Variants in ADAM2 observed in about 807,000 individuals in gnomAD.
The protein encoded by ADAM2 is disintegrin and metalloproteinase domain-containing protein 2.
ADAM2 carries 101 observed loss-of-function variants against 99.3 expected under a neutral mutation model. The observed-to-expected ratio is 1.02, with a 90% CI of 0.87 to 1.20. The LOEUF is 1.20. Among genes scored for constraint, ADAM2 ranks in the 50% most tolerant of loss-of-function variants. The pLI is 0.00. For missense variants in ADAM2, 948 were observed against 878.7 expected (o/e 1.08, Z -1.00); for synonymous variants, 323 against 287.6 (o/e 1.12, Z -1.25).
intron 15 of ADAM2, among the ~76,000 whole-genome samples, chr8:39,756,598 C>T (rs1802160819): frequency 1.3e-5 from 2 of 152,144 alleles, no homozygotes; most frequent in South Asian, 4.1e-4. Flanking sequence ...CATATGTTAT[C>T]TAAATAGCCT....
At position 39,786,955 on chromosome 8, in the gene ADAM2, A is replaced by G. The variant is rs1385955110; in HGVS notation, c.891+19T>C. The G allele has an allele frequency of 3.2e-6, 5 of 1,539,908 alleles. No individual in the cohort carries two copies. The African/African-American group carries it at 4.2e-5, about 13-fold the overall frequency. ...TACTAATTTATGTAGCATACTTTCT[A>G]TACATAACCATACCATACCAGAACA... On this transcript the variant is annotated intron_variant, in intron 10 of 20. Transcript: ENST00000265708.
In ADAM2 at chr8:39,834,065, T is replaced by A. The variant is rs1326098821; in HGVS notation, c.133-66A>T. The A allele has an allele frequency of 8.4e-6, 7 of 833,984 alleles. No homozygotes were observed. In the Admixed American group the frequency reaches 1.1e-4, roughly 13 times the overall value. 51.7% of individuals were successfully genotyped at this position (833,984 alleles called of 1,614,324 possible). ...AAAATGTTAGAAGGGATAACCATCA[T>A]TTTACATTAATGATAATTGCATTCT... On this transcript the variant is annotated intron_variant, in intron 2 of 20. Transcript: ENST00000265708.
Position 39,821,058 on chromosome 8 carries a change from A to T in ADAM2, c.457T>A (p.Tyr153Asn), listed in dbSNP as rs766623767. Residue 153 changes from tyrosine to asparagine, a missense_variant, in exon 6 of 21, where the codon TAT becomes AAT. Physicochemically the swap from Tyr to Asn is moderately radical, Grantham distance 143. Coordinates refer to ENST00000265708, the MANE Select transcript of ADAM2 (RefSeq NM_001464.5). ...CTTGATTCAATATCCTTCTCATTAT[A>T]TAAGGAAACATCTGCTTTCTTATGT... ...VKHKKADVSL[Y>N]NEKDIESRDL... 2.1e-5 allele frequency: 33 copies of T among 1,607,632 alleles called. No individual in the cohort carries two copies. The highest frequency in any genetic ancestry group is 2.8e-5 in the Non-Finnish European group (33 of 1,174,772).
At chr8:39,787,792 AATAG>A (rs1436943317) in intron 9 of ADAM2, among the ~76,000 whole-genome samples, 1 of 151,704 alleles carries the variant, frequency 6.6e-6, no homozygotes, top group Non-Finnish European at 1.5e-5. Flanking sequence ...TGTTTCTCCA[AATAG>A]ATATTGTGAA....
chr8:39,751,119 G>A (rs1012774787), intron 16 of ADAM2, among the ~76,000 whole-genome samples: 4 of 152,116 alleles, frequency 2.6e-5, no homozygotes, highest in Non-Finnish European at 5.9e-5. Flanking sequence ...TTACGGCAAT[G>A]CATACCTCCA....
In ADAM2 at chr8:39,826,444, C is replaced by T. The variant is rs548186194; in HGVS notation, c.189-1547G>A. The stretch of plus-strand genomic sequence containing the variant: ...CACCATATTAAAAAAGCACTCAAGG[C>T]CAGGAGCAGTGGCTCACGCCTGTAA... On this transcript the variant is annotated intron_variant, in intron 3 of 20. Coordinates refer to ENST00000265708, the MANE Select transcript of ADAM2 (RefSeq NM_001464.5). 1.4e-3 allele frequency among the ~76,000 whole-genome samples: 212 copies of T among 152,210 alleles called. 1 individual carries two copies. Among genetic ancestry groups the T allele is most frequent in the African/African-American group, 4.8e-3 (198 of 41,542 alleles).
chr8:39,771,451 A>C (rs909875211), intron 11 of ADAM2, among the ~76,000 whole-genome samples: 9 of 152,124 alleles, frequency 5.9e-5, no homozygotes, highest in Admixed American at 1.3e-4. Flanking sequence ...ATAAATAATA[A>C]AGTTTAATTT....
chr8:39,769,501 G>A lies in ADAM2; in HGVS notation c.1103C>T (p.Ser368Phe), dbSNP rs767078988. Residue 368 changes from serine to phenylalanine, a missense_variant, in exon 12 of 21, where the codon TCC becomes TTC. By Grantham distance (155) the Ser-to-Phe change is radical. Coordinates refer to ENST00000265708, the MANE Select transcript of ADAM2 (RefSeq NM_001464.5). ...GCGAGGCTGATTGTGAAGACACTGG[G>A]ACTTCTGCTTTGAAATAAAATGTGC... ...DFAHFISKQK[S>F]QCLHNQPRLD... 1.9e-6 allele frequency: 3 copies of A among 1,613,634 alleles called. No homozygotes were observed. The highest frequency in any genetic ancestry group is 1.7e-6 in the Non-Finnish European group (2 of 1,179,602).
chr8:39,770,989 T>G (rs538583285), intron 11 of ADAM2, among the ~76,000 whole-genome samples: 1 of 152,364 alleles, frequency 6.6e-6, no homozygotes, highest in East Asian at 1.9e-4. Context: ...CAATCAATTA[T>G]GTTTCCTAAA....
chr8:39,820,314 G>C (rs981272383), intron 6 of ADAM2, among the ~76,000 whole-genome samples: 1 of 152,112 alleles, frequency 6.6e-6, no homozygotes, highest in African/African-American at 2.4e-5. Flanking sequence ...TAGCCACAGA[G>C]CTGAGATTAC....
intron 7 of ADAM2, among the ~76,000 whole-genome samples, chr8:39,801,139 C>A (rs561682837): frequency 6.6e-6 from 1 of 152,202 alleles, no homozygotes; most frequent in South Asian, 2.1e-4. Context: ...GATTATTTCT[C>A]ATATTTGTGA....
intron 7 of ADAM2, among the ~76,000 whole-genome samples, chr8:39,791,984 A>G (rs1225596341): frequency 6.6e-6 from 1 of 152,018 alleles, no homozygotes; most frequent in East Asian, 1.9e-4. Context: ...TTAGCTTGAC[A>G]CTAGTGCACT....
chr8:39,787,104 AT>A, intron 9 of ADAM2, 49 bp from the exon 10 acceptor site: 1 of 1,174,624 alleles, frequency 8.5e-7, no homozygotes, highest in South Asian at 1.6e-5. Context: ...AAAAATTAAT[AT>A]GAATTTTTAT....
chr8:39,798,107 G>C (rs182494215), intron 7 of ADAM2, among the ~76,000 whole-genome samples: 16 of 152,286 alleles, frequency 1.1e-4, no homozygotes, highest in African/African-American at 2.9e-4. Context: ...GGGCATCCTT[G>C]GCTTGTACAA....
In ADAM2 at chr8:39,837,135, C is replaced by G. The variant is rs765744903; in HGVS notation, c.132+1G>C. The G allele has an allele frequency of 5.0e-6, 8 of 1,587,024 alleles. No individual in the cohort carries two copies. The East Asian group carries it at 1.8e-4, about 36-fold the overall frequency. On this transcript the variant is annotated splice_donor_variant, in intron 2 of 20. Coordinates refer to ENST00000265708, the MANE Select transcript of ADAM2 (RefSeq NM_001464.5). LOFTEE classifies it high-confidence loss of function. The stretch of plus-strand genomic sequence containing the variant: ...TGTAAATACTGTTAGTGATTCATTA[C>G]CTGCGATTCAATTCCTTCCTTTATT...
chr8:39,750,600 C>G (rs893269081), intron 16 of ADAM2, among the ~76,000 whole-genome samples: 3 of 152,058 alleles, frequency 2.0e-5, no homozygotes, highest in Non-Finnish European at 1.5e-5. Flanking sequence ...AAATGATAAG[C>G]ATACAATGAA....
Position 39,781,720 on chromosome 8 carries a change from G to A in ADAM2, c.892-4559C>T, listed in dbSNP as rs1803237831. Among the ~76,000 whole-genome samples, 6 of 152,218 alleles carry A rather than the reference G, an allele frequency of 3.9e-5. No homozygotes were observed. In the South Asian group the frequency reaches 1.2e-3, roughly 32 times the overall value. ...AAAATCAAACAGTTTTGTTGAAATTGCAAGCTGATTTTAAAATGGAAATGC... is the reference window on the plus strand; with the variant it reads ...AAAATCAAACAGTTTTGTTGAAATTACAAGCTGATTTTAAAATGGAAATGC... On this transcript the variant is annotated intron_variant, in intron 10 of 20. Transcript: ENST00000265708.
At chr8:39,763,211 A>G (rs992067199) in intron 14 of ADAM2, among the ~76,000 whole-genome samples, 56 of 149,972 alleles carry the variant, frequency 3.7e-4, no homozygotes, top group South Asian at 1.9e-3. Context: ...CAGTTAAGTG[A>G]AAAAAAAAAT....
intron 16 of ADAM2, among the ~76,000 whole-genome samples, chr8:39,752,339 C>T (rs1485074697): frequency 2.6e-5 from 4 of 152,104 alleles, no homozygotes; most frequent in African/African-American, 9.7e-5. Context: ...ATTATAGGAG[C>T]TCTGGCAACA....
Sources: gnomAD v4.1 joint callset for allele counts (sites outside exome capture counted in the v4.1 genomes callset) on GRCh38, gnomAD v4.1.1 for gene constraint, MANE v1.5 for transcripts, NCBI Gene and HGNC (gene_info 2026-07-23, HGNC 2026-07-21) for gene names.